The following MACROD2 variants were observed in gnomAD, a reference collection of about 807,000 sequenced individuals.
MACROD2 encodes ADP-ribose glycohydrolase MACROD2.
A neutral mutation model predicts 70.4 loss-of-function variants in MACROD2; 36 were observed. The ratio of observed to expected loss-of-function variants is 0.51; its 90% CI spans 0.39 to 0.68. The LOEUF (loss-of-function observed/expected upper bound fraction) is 0.68, where lower values mean the gene tolerates loss of function less well. Among genes scored for constraint, MACROD2 ranks in the 30% least tolerant of loss-of-function variants. The pLI is 0.00. For synonymous variants in MACROD2, 172 were observed against 178.8 expected (o/e 0.96, Z 0.30); for missense variants, 496 against 538.4 (o/e 0.92, Z 0.78).
intron 3 of MACROD2, among the ~76,000 whole-genome samples, chr20:14,389,375 T>G (rs1437989844): frequency 7.0e-6 from 1 of 141,862 alleles, no homozygotes; most frequent in Admixed American, 7.4e-5. Flanking sequence ...TAAGCTGAGA[T>G]TGCGCCACTG....
chr20:14,129,490 A>G (rs992024965), intron 3 of MACROD2, among the ~76,000 whole-genome samples: 2 of 152,224 alleles, frequency 1.3e-5, no homozygotes, highest in Non-Finnish European at 2.9e-5. Flanking sequence ...TGCTGTGAAT[A>G]TTGTTGAAAT....
chr20:14,086,356 C>A, intron 3 of MACROD2: 1 of 209,776 alleles, frequency 4.8e-6, no homozygotes, highest in Non-Finnish European at 1.0e-5. Flanking sequence ...ATATAACAGC[C>A]GTGATTCTAC....
intron 3 of MACROD2, among the ~76,000 whole-genome samples, chr20:14,447,574 A>G (rs2084197130): frequency 6.6e-6 from 1 of 151,692 alleles, no homozygotes; most frequent in Admixed American, 6.6e-5. Context: ...CTAGGAGTTT[A>G]TTGTCTCCCC....
At chr20:14,891,713 A>C (rs2073762921) in intron 5 of MACROD2, among the ~76,000 whole-genome samples, 1 of 152,162 alleles carries the variant, frequency 6.6e-6, no homozygotes, top group Admixed American at 6.5e-5. Flanking sequence ...AAGACTTTAC[A>C]ATTTTGTTAG....
chr20:15,848,485 C>T (rs893464753), intron 8 of MACROD2, among the ~76,000 whole-genome samples: 1 of 152,106 alleles, frequency 6.6e-6, no homozygotes, highest in Non-Finnish European at 1.5e-5. Flanking sequence ...TGACAAAACC[C>T]AAATTTAAAT....
chr20:15,417,233 G>T (rs1342947953), intron 6 of MACROD2, among the ~76,000 whole-genome samples: 1 of 152,016 alleles, frequency 6.6e-6, no homozygotes, highest in Non-Finnish European at 1.5e-5. Context: ...CAATTATCTG[G>T]TGTAGCCATA....
At chr20:15,841,672 C>G (rs2064172398) in intron 8 of MACROD2, among the ~76,000 whole-genome samples, 1 of 152,072 alleles carries the variant, frequency 6.6e-6, no homozygotes, top group Non-Finnish European at 1.5e-5. Flanking sequence ...GGCCCTACCT[C>G]CAACACTGGA....
At chr20:14,853,159 G>GTGTGTGTGTGTGTC (rs2073216893) in intron 5 of MACROD2, among the ~76,000 whole-genome samples, 2 of 99,322 alleles carry the variant, frequency 2.0e-5, no homozygotes, top group East Asian at 4.9e-4. Flanking sequence ...TGTGAACAGT[G>GTGTGTGTGTGTGTC]TGTGTGTGTG....
chr20:14,119,463 C>A (rs926684293), intron 3 of MACROD2, among the ~76,000 whole-genome samples: 3 of 152,134 alleles, frequency 2.0e-5, no homozygotes, highest in African/African-American at 7.2e-5. Flanking sequence ...AGCCATCGCA[C>A]CTGGCCATGA....
intron 3 of MACROD2, among the ~76,000 whole-genome samples, chr20:14,339,209 T>C (rs1363692010): frequency 6.6e-6 from 1 of 152,178 alleles, no homozygotes; most frequent in Non-Finnish European, 1.5e-5. Context: ...TGATAAGAAA[T>C]GTATTGACCC....
At chr20:14,358,736 G>A (rs1219514301) in intron 3 of MACROD2, among the ~76,000 whole-genome samples, 2 of 152,114 alleles carry the variant, frequency 1.3e-5, no homozygotes, top group Admixed American at 6.5e-5. Context: ...GATTACAGGC[G>A]TGAGCCACTG....
intron 5 of MACROD2, among the ~76,000 whole-genome samples, chr20:14,962,499 GAC>G (rs2074592718): frequency 6.7e-6 from 1 of 149,750 alleles, no homozygotes; most frequent in African/African-American, 2.4e-5. Flanking sequence ...TTGTTTCTGA[GAC>G]AGAATTTTGC....
chr20:15,943,672 A>G (rs1191270877), intron 12 of MACROD2, among the ~76,000 whole-genome samples: 1 of 152,152 alleles, frequency 6.6e-6, no homozygotes, highest in Non-Finnish European at 1.5e-5. Flanking sequence ...AGACTCAGAG[A>G]AGGAGAGAGG....
At chr20:14,016,365 C>G (rs909241274) in intron 2 of MACROD2, among the ~76,000 whole-genome samples, 25 of 152,164 alleles carry the variant, frequency 1.6e-4, no homozygotes, top group African/African-American at 6.0e-4. Context: ...TGTGGGTCGT[C>G]TTTTCACTCT....
chr20:14,235,507 C>T lies in MACROD2; in HGVS notation c.271+149779C>T, dbSNP rs1036139998. ...TGAACTGCTAAGCTATGTTACCTCTCATCTTAACTAACATGACTCATTTTT... is the reference window on the plus strand; with the variant it reads ...TGAACTGCTAAGCTATGTTACCTCTTATCTTAACTAACATGACTCATTTTT... On this transcript the variant is annotated intron_variant, in intron 3 of 17. Coordinates refer to ENST00000684519, the MANE Select transcript of MACROD2 (RefSeq NM_001351661.2). 3.3e-5 allele frequency among the ~76,000 whole-genome samples: 5 copies of T among 152,138 alleles called. No individual in the cohort carries two copies. In the East Asian group the frequency reaches 9.6e-4, roughly 29 times the overall value.
At chr20:14,782,866 G>A (rs1043248867) in intron 5 of MACROD2, among the ~76,000 whole-genome samples, 3 of 152,044 alleles carry the variant, frequency 2.0e-5, no homozygotes, top group Admixed American at 6.5e-5. Context: ...AGGTCACTTT[G>A]TGCAAGCCAC....
At chr20:15,580,734 C>A (rs2048512177) in intron 8 of MACROD2, among the ~76,000 whole-genome samples, 2 of 152,262 alleles carry the variant, frequency 1.3e-5, no homozygotes, top group East Asian at 3.9e-4. Context: ...GGTTAACATT[C>A]CTGGGGAGAA....
chr20:15,134,775 A>G (rs958229447), intron 5 of MACROD2, among the ~76,000 whole-genome samples: 4 of 152,224 alleles, frequency 2.6e-5, no homozygotes, highest in African/African-American at 9.6e-5. Context: ...TAATGAATCC[A>G]GTTGCTGGTT....
At chr20:14,855,597 G>GTTTTTTTTTT (rs71190156) in intron 5 of MACROD2, among the ~76,000 whole-genome samples, 1 of 77,238 alleles carries the variant, frequency 1.3e-5, no homozygotes, top group African/African-American at 5.3e-5. Context: ...ATCCTACCAA[G>GTTTTTTTTTT]TTTTTTTTTT....
Sources: allele counts gnomAD v4.1 joint callset (sites outside exome capture counted in the v4.1 genomes callset), GRCh38; gene constraint gnomAD v4.1.1; transcripts MANE v1.5; gene names NCBI Gene and HGNC (gene_info 2026-07-23, HGNC 2026-07-21).